BICD1: variants seen among roughly 807,000 people sequenced by gnomAD.
The protein encoded by BICD1 is BICD cargo adaptor 1.
A neutral mutation model predicts 92.5 loss-of-function variants in BICD1; 35 were observed. That is an observed-to-expected ratio of 0.38 (90% confidence interval 0.29 to 0.50). The LOEUF (loss-of-function observed/expected upper bound fraction) is 0.50, where lower values mean the gene tolerates loss of function less well. BICD1 is among the 20% of genes least tolerant of loss of function. The pLI, the probability that BICD1 is intolerant of heterozygous loss-of-function variation, is 0.93. For synonymous variants in BICD1, 429 were observed against 465.1 expected (o/e 0.92, Z 1.00); for missense variants, 950 against 1,189.8 (o/e 0.80, Z 2.97).
intron 1 of BICD1, among the ~76,000 whole-genome samples, chr12:32,189,481 A>G (rs1022585194): frequency 6.6e-6 from 1 of 152,220 alleles, no homozygotes; most frequent in Non-Finnish European, 1.5e-5. Context: ...AAAACCAAAG[A>G]GAACTGTGCA....
intron 2 of BICD1, among the ~76,000 whole-genome samples, chr12:32,291,532 A>C (rs1037565602): frequency 1.3e-5 from 2 of 149,144 alleles, no homozygotes; most frequent in African/African-American, 5.0e-5. Flanking sequence ...CTTCTACCAA[A>C]AAAAAAAATA....
chr12:32,215,911 A>G (rs962675502), intron 1 of BICD1, among the ~76,000 whole-genome samples: 17 of 133,812 alleles, frequency 1.3e-4, no homozygotes, highest in Admixed American at 2.8e-4. Context: ...CCGAGATTGC[A>G]CCACTGCCCT....
intron 2 of BICD1, among the ~76,000 whole-genome samples, chr12:32,260,081 C>T (rs183909872): frequency 4.0e-5 from 6 of 151,530 alleles, no homozygotes; most frequent in Admixed American, 1.3e-4. Context: ...TGCACCACCA[C>T]GCCCAGCTAA....
chr12:32,373,381 C>T (rs1446238732), intron 9 of BICD1, among the ~76,000 whole-genome samples: 1 of 152,094 alleles, frequency 6.6e-6, no homozygotes, highest in Non-Finnish European at 1.5e-5. Flanking sequence ...GTGATTGCAG[C>T]ATTTTATGCA....
chr12:32,374,569 T>TTC (rs199710028), intron 9 of BICD1, among the ~76,000 whole-genome samples: 1 of 39,366 alleles, frequency 2.5e-5, no homozygotes, highest in East Asian at 2.4e-3. Context: ...TTCTTTCTTC[T>TTC]TTTTTTTTTT....
Position 32,337,266 on chromosome 12 carries a change from C to T in BICD1, c.2253-233C>T, listed in dbSNP as rs1401087859. On this transcript the variant is annotated intron_variant, in intron 6 of 9. Transcript: ENST00000652176. The surrounding 1 kb of genome is among the most constrained non-coding windows in gnomAD (Gnocchi z 4.7). ...AGTCTCAAAAAACAAATAAACAAAA[C>T]AACAACAACAAAATAATAATAAATT... Among the ~76,000 whole-genome samples, 1 of 151,976 alleles carries T rather than the reference C, an allele frequency of 6.6e-6. No individual in the cohort carries two copies. Among genetic ancestry groups the T allele is most frequent in the Non-Finnish European group, 1.5e-5 (1 of 67,970 alleles).
rs374128485 is a variant in BICD1, at chr12:32,367,687, G to A, written c.2782G>A (p.Ala928Thr). The change falls in exon 9 of 10, where the codon GCC (alanine) becomes ACC (threonine). Residue 928 changes from alanine (A) to threonine (T), a missense_variant. By Grantham distance (58) the Ala-to-Thr change is moderately conservative. Around this residue, in one of 5 missense-constraint regions of BICD1, gnomAD observed 179 missense variants for 186.7 expected, o/e 0.96. Coordinates refer to ENST00000652176, the MANE Select transcript of BICD1 (RefSeq NM_001714.4). ...TCTTGTAGATTGTCAGCAGCCTGCT[G>A]CCTCCGTACCGCCACAGTGCTCACA... ...VAPPDCQQPA[A>T]SVPPQCSQLA... The A allele has an allele frequency of 1.2e-6, 2 of 1,614,052 alleles. No individual in the cohort carries two copies. Among genetic ancestry groups the A allele is most frequent in the Admixed American group, 1.7e-5 (1 of 60,030 alleles).
At chr12:32,334,767 AG>A in intron 6 of BICD1, 100 bp downstream of exon 6, 1 of 1,298,904 alleles carries the variant, frequency 7.7e-7, no homozygotes, top group Admixed American at 2.5e-5. Flanking sequence ...TTCGGTGAGT[AG>A]TCTAGGATGG....
At chr12:32,214,916 T>C (rs1460119775) in intron 1 of BICD1, among the ~76,000 whole-genome samples, 2 of 152,074 alleles carry the variant, frequency 1.3e-5, no homozygotes, top group African/African-American at 2.4e-5. Context: ...AACATGATTA[T>C]TGTTCTCAGA....
rs1011645391 is a variant in BICD1 at position 32,337,756 on chromosome 12, T to G, written c.2510T>G (p.Leu837Arg). The G allele has an allele frequency of 1.9e-6, 3 of 1,614,118 alleles. No homozygotes were observed. The highest frequency in any genetic ancestry group is 2.5e-6 in the Non-Finnish European group (3 of 1,180,018). Residue 837 changes from leucine (L) to arginine (R), a missense_variant, in exon 7 of 10, where the codon CTG becomes CGG. This residue lies in a region of BICD1 where 179 missense variants were observed against 186.7 expected (regional missense o/e 0.96). Coordinates refer to ENST00000652176, the MANE Select transcript of BICD1 (RefSeq NM_001714.4). The surrounding 1 kb of genome is among the most constrained non-coding windows in gnomAD (Gnocchi z 4.7). ...VTVPTIDTYL[L>R]HSQGPQTPNI... Reference sequence around the variant, plus strand: ...GTGCCCACCATAGACACTTACCTCCTGCATAGTCAGGGCCCACAGACACCC... The same window carrying G: ...GTGCCCACCATAGACACTTACCTCCGGCATAGTCAGGGCCCACAGACACCC...
chr12:32,339,360 G>A, intron 8 of BICD1: 1 of 994,770 alleles, frequency 1.0e-6, no homozygotes, highest in Non-Finnish European at 1.2e-6. Flanking sequence ...TTTCCGTAAA[G>A]GGAGAGCCAT....
At chr12:32,191,617 A>G (rs1944568825) in intron 1 of BICD1, among the ~76,000 whole-genome samples, 2 of 128,642 alleles carry the variant, frequency 1.6e-5, no homozygotes, top group Admixed American at 7.7e-5. Flanking sequence ...TAATACGTAT[A>G]TAATATATAA....
intron 2 of BICD1, among the ~76,000 whole-genome samples, chr12:32,254,335 A>G (rs989865282): frequency 6.6e-6 from 1 of 151,902 alleles, no homozygotes; most frequent in Non-Finnish European, 1.5e-5. Context: ...CCCACCTGCC[A>G]TAATCACTGC....
chr12:32,129,984 A>C (rs1024360451), intron 1 of BICD1, among the ~76,000 whole-genome samples: 2 of 152,198 alleles, frequency 1.3e-5, no homozygotes, highest in Non-Finnish European at 2.9e-5. Context: ...ATGACTTACA[A>C]ACAATTATTA....
At chr12:32,235,245 T>C (rs1034016721) in intron 2 of BICD1, among the ~76,000 whole-genome samples, 11 of 152,178 alleles carry the variant, frequency 7.2e-5, no homozygotes, top group African/African-American at 2.7e-4. Context: ...CCACAAGCTT[T>C]CTTGGATAGT....
intron 1 of BICD1, among the ~76,000 whole-genome samples, chr12:32,209,427 T>G (rs1945151163): frequency 6.6e-6 from 1 of 152,198 alleles, no homozygotes; most frequent in Non-Finnish European, 1.5e-5. Flanking sequence ...GAGCATTTAA[T>G]GCTGAATTTC....
chr12:32,265,179 T>C (rs1439217814), intron 2 of BICD1, among the ~76,000 whole-genome samples: 1 of 151,940 alleles, frequency 6.6e-6, no homozygotes, highest in East Asian at 1.9e-4. Context: ...CTCATGCTCA[T>C]CCCATCTGTT....
At chr12:32,350,063 T>A (rs1301588410) in intron 8 of BICD1, among the ~76,000 whole-genome samples, 1 of 152,190 alleles carries the variant, frequency 6.6e-6, no homozygotes, top group African/African-American at 2.4e-5. Context: ...CTTCAGTGGC[T>A]CTCCTGAGCT....
At chr12:32,292,493 C>T (rs907329817) in intron 2 of BICD1, among the ~76,000 whole-genome samples, 1 of 152,146 alleles carries the variant, frequency 6.6e-6, no homozygotes, top group South Asian at 2.1e-4. Context: ...ACAATTGAAC[C>T]TACATAGCAT....
Sources: allele counts gnomAD v4.1 joint callset (sites outside exome capture counted in the v4.1 genomes callset), GRCh38; gene constraint gnomAD v4.1.1; regional missense constraint gnomAD v4.1.1; non-coding constraint Gnocchi (gnomAD v3.1); transcripts MANE v1.5; gene names NCBI Gene and HGNC (gene_info 2026-07-23, HGNC 2026-07-21).